DLGAP1: variants seen among roughly 807,000 people sequenced by gnomAD.
DLGAP1 encodes disks large-associated protein 1.
Under a neutral mutation model 90.8 loss-of-function variants are expected in DLGAP1, and 11 were observed. The ratio of observed to expected loss-of-function variants is 0.12; its 90% confidence interval spans 0.08 to 0.20. DLGAP1 has a LOEUF of 0.20. Ranked by LOEUF, DLGAP1 falls within the 10% of genes least tolerant of loss-of-function variation. The probability of loss-of-function intolerance (pLI) is 1.00; values close to 1 mark genes in which losing one functional copy is unlikely to be tolerated. For missense variants in DLGAP1, 1,050 were observed against 1,333.8 expected (o/e 0.79, Z 3.31); for synonymous variants, 558 against 540.7 (o/e 1.03, Z -0.44).
At chr18:4,022,698 T>C (rs946746544) in intron 2 of DLGAP1, among the ~76,000 whole-genome samples, 5 of 152,206 alleles carry the variant, frequency 3.3e-5, no homozygotes, top group Non-Finnish European at 7.3e-5. Context: ...GTGGAGGGTA[T>C]ATTTAGCAGT....
At chr18:3,947,214 C>T (rs1296089603) in intron 3 of DLGAP1, among the ~76,000 whole-genome samples, 2 of 152,102 alleles carry the variant, frequency 1.3e-5, no homozygotes, top group African/African-American at 4.8e-5. Flanking sequence ...TTGTTCCTAC[C>T]AAGAAACAGA....
At chr18:3,781,798 C>T (rs2065205353) in intron 5 of DLGAP1, among the ~76,000 whole-genome samples, 1 of 152,088 alleles carries the variant, frequency 6.6e-6, no homozygotes, top group Non-Finnish European at 1.5e-5. Context: ...ATATTATATA[C>T]CATTAAATAA....
At position 4,298,877 on chromosome 18, in the gene DLGAP1, C is replaced by T. The variant is rs552350343; in HGVS notation, c.-266-147590G>A. On this transcript the variant is annotated intron_variant, in intron 1 of 12. Coordinates refer to ENST00000315677, the MANE Select transcript of DLGAP1 (RefSeq NM_004746.4). ...TGGGTGGATCACGAGGTCAAGAGAT[C>T]GAAACTATCCGGGCCAACATGGTGA... Among the ~76,000 whole-genome samples the T allele has an allele frequency of 4.6e-5, 7 of 151,892 alleles. No individual in the cohort carries two copies. In the South Asian group the frequency reaches 1.0e-3, roughly 23 times the overall value.
At chr18:4,430,962 T>C (rs1161251886) in intron 1 of DLGAP1, 1 of 157,096 alleles carries the variant, frequency 6.4e-6, no homozygotes, top group African/African-American at 2.4e-5. Flanking sequence ...TTAGGCTGAG[T>C]ATGTTGTGGA....
intron 7 of DLGAP1, among the ~76,000 whole-genome samples, chr18:3,655,059 C>A (rs1201734781): frequency 6.6e-6 from 1 of 152,144 alleles, no homozygotes; most frequent in African/African-American, 2.4e-5. Flanking sequence ...CTCCAGCCCC[C>A]TGAACGGCCT....
At position 3,968,589 on chromosome 18, in the gene DLGAP1, G is replaced by T. The variant is rs149682626; in HGVS notation, c.-73+36527C>A. ...TAACATCTTTATATTTGTATTCCTG[G>T]CTTTCAAAAGACAGATCACAGTTTG... On this transcript the variant is annotated intron_variant, in intron 3 of 12. Transcript: ENST00000315677. Among the ~76,000 whole-genome samples the T allele has an allele frequency of 3.5e-3, 532 of 152,236 alleles. 2 individuals are homozygous for T. The highest frequency in any genetic ancestry group is 0.012 in the African/African-American group (512 of 41,548).
chr18:4,087,536 G>C (rs1366951821), intron 2 of DLGAP1, among the ~76,000 whole-genome samples: 1 of 152,032 alleles, frequency 6.6e-6, no homozygotes, highest in Non-Finnish European at 1.5e-5. Flanking sequence ...CTTATGACTG[G>C]CTTGCTGTCA....
intron 1 of DLGAP1, among the ~76,000 whole-genome samples, chr18:4,411,607 GGTT>G (rs2144614431): frequency 6.6e-6 from 1 of 152,284 alleles, no homozygotes; most frequent in African/African-American, 2.4e-5. Flanking sequence ...ATAATCTGGA[GGTT>G]GATGGGCTCA....
chr18:4,265,948 G>C (rs555732892), intron 1 of DLGAP1, among the ~76,000 whole-genome samples: 2 of 151,790 alleles, frequency 1.3e-5, no homozygotes, highest in African/African-American at 2.4e-5. Flanking sequence ...TCAGACTCCA[G>C]AAGTGCTAGG....
At chr18:4,441,299 C>G (rs1442681089) in intron 1 of DLGAP1, among the ~76,000 whole-genome samples, 2 of 152,154 alleles carry the variant, frequency 1.3e-5, no homozygotes, top group Non-Finnish European at 2.9e-5. Context: ...CTCTCCAGGG[C>G]AAGCAGATGG....
At chr18:4,402,170 T>G (rs2082569842) in intron 1 of DLGAP1, among the ~76,000 whole-genome samples, 1 of 152,208 alleles carries the variant, frequency 6.6e-6, no homozygotes, top group African/African-American at 2.4e-5. Context: ...TCACCACTCT[T>G]TGGCCAATAA....
rs756698547 is a variant in DLGAP1 at position 3,879,569 on chromosome 18, T to A, written c.500A>T (p.Lys167Met). 1 of 1,599,148 alleles carries A rather than the reference T, an allele frequency of 6.3e-7. No individual in the cohort carries two copies. The highest frequency in any genetic ancestry group is 8.5e-7 in the Non-Finnish European group (1 of 1,177,332). The change falls in exon 4 of 13, where the codon AAG (lysine) becomes ATG (methionine). Residue 167 changes from lysine (K) to methionine (M), a missense_variant. Physicochemically the swap from Lys to Met is moderately conservative, Grantham distance 95 (BLOSUM62 -1). This residue lies in a region of DLGAP1 where 485 missense variants were observed against 454.1 expected (regional missense o/e 1.07). Transcript: ENST00000315677. The surrounding 1 kb of genome is among the most constrained non-coding windows in gnomAD (Gnocchi z 6.6). ...GPSKGSVNGG[K>M]ASPDEAQAAR... Reference sequence around the variant, plus strand: ...CGCCTGCGCCTCGTCAGGGCTGGCCTTGCCCCCGTTGACGCTGCCCTTGGA... The same window carrying A: ...CGCCTGCGCCTCGTCAGGGCTGGCCATGCCCCCGTTGACGCTGCCCTTGGA...
chr18:4,111,889 T>G, intron 2 of DLGAP1, among the ~76,000 whole-genome samples: 1 of 151,540 alleles, frequency 6.6e-6, no homozygotes, highest in Admixed American at 6.6e-5. Flanking sequence ...AATAATAAAT[T>G]TTTTGTTTTA....
At chr18:4,065,183 A>G (rs963532398) in intron 2 of DLGAP1, among the ~76,000 whole-genome samples, 2 of 152,188 alleles carry the variant, frequency 1.3e-5, no homozygotes, top group Admixed American at 6.6e-5. Context: ...ATACCTCAAC[A>G]TAATAAGCAA....
intron 2 of DLGAP1, among the ~76,000 whole-genome samples, chr18:4,099,961 TC>T: frequency 6.6e-6 from 1 of 152,098 alleles, no homozygotes; most frequent in Non-Finnish European, 1.5e-5. Flanking sequence ...CAAGTGATCC[TC>T]CCACCTTGGC....
At chr18:3,839,710 T>C (rs1327458057) in intron 4 of DLGAP1, among the ~76,000 whole-genome samples, 1 of 152,252 alleles carries the variant, frequency 6.6e-6, no homozygotes, top group African/African-American at 2.4e-5. Flanking sequence ...GAGGTCTTTT[T>C]CAGAATGTAT....
At chr18:4,387,926 CACAT>C (rs202185518) in intron 1 of DLGAP1, among the ~76,000 whole-genome samples, 12,721 of 38,542 alleles carry the variant, frequency 0.33, 742 homozygotes, top group Middle Eastern at 0.46. Context: ...GACTCCATCA[CACAT>C]ACACACACAC....
chr18:3,861,177 AC>A (rs1332926974), intron 4 of DLGAP1, among the ~76,000 whole-genome samples: 1 of 152,198 alleles, frequency 6.6e-6, no homozygotes, highest in Admixed American at 6.5e-5. Flanking sequence ...AAACTCCTTT[AC>A]AAAAAATCCT....
chr18:4,205,643 CCA>C (rs2077705823), intron 1 of DLGAP1, among the ~76,000 whole-genome samples: 1 of 152,156 alleles, frequency 6.6e-6, no homozygotes, highest in Non-Finnish European at 1.5e-5. Flanking sequence ...TAGGCATGAG[CCA>C]CCATGCCCAG....
Sources: allele counts gnomAD v4.1 joint callset (sites outside exome capture counted in the v4.1 genomes callset), GRCh38; gene constraint gnomAD v4.1.1; regional missense constraint gnomAD v4.1.1; non-coding constraint Gnocchi (gnomAD v3.1); transcripts MANE v1.5; gene names NCBI Gene and HGNC (gene_info 2026-07-23, HGNC 2026-07-21).